PLCE1: variants seen among roughly 807,000 people sequenced by gnomAD.
PLCE1 encodes 1-phosphatidylinositol 4,5-bisphosphate phosphodiesterase epsilon-1.
A neutral mutation model predicts 242.8 loss-of-function variants in PLCE1; 119 were observed. The ratio of observed to expected loss-of-function variants is 0.49; its 90% confidence interval spans 0.42 to 0.57. The LOEUF is 0.57. PLCE1 is among the 20% of genes least tolerant of loss of function. The pLI is 0.00. For missense variants in PLCE1, 2,441 were observed against 2,788.8 expected (o/e 0.88, Z 2.81); for synonymous variants, 945 against 1,017.4 (o/e 0.93, Z 1.35).
intron 3 of PLCE1, among the ~76,000 whole-genome samples, chr10:94,170,442 A>G (rs2047936774): frequency 6.6e-6 from 1 of 152,208 alleles, no homozygotes; most frequent in South Asian, 2.1e-4. Flanking sequence ...GAGCCTAGGC[A>G]TCCCCTACTC....
rs747635422 is a variant in PLCE1, at chr10:94,258,828, C to T, written c.3583C>T (p.Arg1195Trp). ...TTGGAGCAGTAGTAGCTGGCACGGG[C>T]GGATCAAAGGCGGCATGAAGGGATT... ...SAWSSSSWHG[R>W]IKGGMKGFQS... Residue 1195 changes from arginine (R) to tryptophan (W), a missense_variant, in exon 12 of 33, where the codon CGG becomes TGG. Around this residue, in one of 5 missense-constraint regions of PLCE1, gnomAD observed 1,004 missense variants for 1,322.7 expected, o/e 0.76. Transcript: ENST00000371380. 3.3e-5 allele frequency: 53 copies of T among 1,613,856 alleles called. No individual in the cohort carries two copies. The highest frequency in any genetic ancestry group is 4.1e-5 in the Non-Finnish European group (48 of 1,179,956).
intron 1 of PLCE1, among the ~76,000 whole-genome samples, chr10:94,019,915 G>A (rs2061348098): frequency 6.6e-6 from 1 of 152,044 alleles, no homozygotes; most frequent in Non-Finnish European, 1.5e-5. Context: ...TTTGTCTGCT[G>A]GTAGACTTTT....
At chr10:94,101,974 G>T (rs1476578067) in intron 2 of PLCE1, among the ~76,000 whole-genome samples, 1 of 152,194 alleles carries the variant, frequency 6.6e-6, no homozygotes, top group Non-Finnish European at 1.5e-5. Context: ...GATGAGTGGG[G>T]CTGCAGATGG....
chr10:93,999,704 G>T (rs1284510913), intron 1 of PLCE1, among the ~76,000 whole-genome samples: 1 of 152,116 alleles, frequency 6.6e-6, no homozygotes, highest in African/African-American at 2.4e-5. Context: ...TCCTGCAGCC[G>T]CCTCGCTCAC....
chr10:94,096,539 A>G (rs2045318390), intron 2 of PLCE1: 1 of 152,194 alleles, frequency 6.6e-6, no homozygotes, highest in Non-Finnish European at 1.5e-5. Flanking sequence ...CACTATCATG[A>G]GAACAGCATG....
chr10:94,201,296 C>T (rs1328312478), intron 4 of PLCE1, among the ~76,000 whole-genome samples: 1 of 152,162 alleles, frequency 6.6e-6, no homozygotes, highest in Non-Finnish European at 1.5e-5. Flanking sequence ...AATGGGACAG[C>T]AGTCCCTACC....
chr10:94,103,005 C>G (rs1590026757), intron 2 of PLCE1, among the ~76,000 whole-genome samples: 1 of 152,202 alleles, frequency 6.6e-6, no homozygotes, highest in East Asian at 1.9e-4. Flanking sequence ...TAAAAGAGTT[C>G]TTGCTGGAGA....
intron 5 of PLCE1, among the ~76,000 whole-genome samples, chr10:94,228,102 C>T (rs1036538611): frequency 2.0e-5 from 3 of 152,328 alleles, no homozygotes; most frequent in East Asian, 1.9e-4. Flanking sequence ...ACCTTGGTTT[C>T]GGAGCCCATG....
rs768443933 is a variant in PLCE1, at chr10:94,031,343, G to A, written c.297G>A (p.Ala99=). The A allele has an allele frequency of 2.7e-5, 44 of 1,613,706 alleles. No homozygotes were observed. The highest frequency in any genetic ancestry group is 9.9e-5 in the South Asian group (9 of 91,080). Residue 99 remains alanine (A), a synonymous_variant, in exon 2 of 33, where the codon GCG becomes GCA. Transcript: ENST00000371380. ...KCWEKIMPDS[A]KNLNINCNNI... is the part of the protein sequence containing the mutation. ...GGGAGAAAATCATGCCAGATTCTGC[G>A]AAAAACCTTAACATTAACTGCAACA...
At chr10:94,043,053 T>G (rs557363463) in intron 2 of PLCE1, among the ~76,000 whole-genome samples, 2 of 152,352 alleles carry the variant, frequency 1.3e-5, no homozygotes, top group African/African-American at 4.8e-5. Context: ...TTTCACCTAC[T>G]TCACAAGGTT....
Position 94,269,044 on chromosome 10 carries a change from T to A in PLCE1, c.4389+8T>A. On this transcript the variant is annotated splice_region_variant and intron_variant, in intron 17 of 32. Transcript: ENST00000371380. ...ACCAAGATCCCCTTCAAGGTAATCC[T>A]TCATAACTTTCTTTAAATCAAATCA... The A allele has an allele frequency of 7.3e-7, 1 of 1,370,914 alleles. No homozygotes were observed. The highest frequency in any genetic ancestry group is 1.0e-6 in the Non-Finnish European group (1 of 961,406). 84.9% of individuals were successfully genotyped at this position (1,370,914 alleles called of 1,614,324 possible).
intron 2 of PLCE1, among the ~76,000 whole-genome samples, chr10:94,057,907 G>A (rs1403180909): frequency 6.6e-6 from 1 of 152,098 alleles, no homozygotes; most frequent in African/African-American, 2.4e-5. Flanking sequence ...TATTCATTAA[G>A]TTATTTTCTT....
chr10:94,243,295 A>G (rs1045561451), intron 7 of PLCE1, among the ~76,000 whole-genome samples: 6 of 152,190 alleles, frequency 3.9e-5, no homozygotes, highest in Admixed American at 3.3e-4. Context: ...GGGGCCTTCA[A>G]GAAAACACCT....
intron 2 of PLCE1, among the ~76,000 whole-genome samples, chr10:94,034,249 G>A (rs2061622061): frequency 6.6e-6 from 1 of 152,170 alleles, no homozygotes; most frequent in Non-Finnish European, 1.5e-5. Context: ...ACAATTTGAG[G>A]TGAGATTTGG....
Position 94,329,466 on chromosome 10 carries a change from A to G in PLCE1, c.*1523A>G, listed in dbSNP as rs1158459421. 6.6e-6 allele frequency: 1 copy of G among 152,190 alleles called. No homozygotes were observed. The highest frequency in any genetic ancestry group is 2.4e-5 in the African/African-American group (1 of 41,462). The allele number at this position is 152,190 out of a possible 1,614,324, so 9.4% of individuals were successfully genotyped here. A position where few individuals can be genotyped will look rare whatever the true frequency, so the allele number is the denominator to read the frequency against. On this transcript the variant is annotated 3_prime_UTR_variant, in exon 33 of 33. Transcript: ENST00000371380. ...AACCATCCCCATGTGTTTCTTGCAT[A>G]TTCTAAAAACAGAAGTGTTAAAAAT...
At chr10:94,322,093 T>G (rs1198016583) in intron 30 of PLCE1, 34 bp downstream of exon 30, 1 of 1,598,676 alleles carries the variant, frequency 6.3e-7, no homozygotes, top group Admixed American at 1.7e-5. Context: ...CTGAGTCCTT[T>G]CCTCAGCATA....
chr10:94,326,797 C>CT (rs958508554), intron 32 of PLCE1, among the ~76,000 whole-genome samples: 3 of 151,776 alleles, frequency 2.0e-5, no homozygotes, highest in South Asian at 2.1e-4. Context: ...ATTCACATGA[C>CT]TTTTTTTTTC....
At chr10:94,047,773 C>G (rs2043637472) in intron 2 of PLCE1, among the ~76,000 whole-genome samples, 1 of 152,122 alleles carries the variant, frequency 6.6e-6, no homozygotes, top group African/African-American at 2.4e-5. Flanking sequence ...CATATGGTTC[C>G]CTGCTCTTGA....
chr10:94,215,589 G>A (rs955887579), intron 4 of PLCE1, among the ~76,000 whole-genome samples: 21 of 152,146 alleles, frequency 1.4e-4, no homozygotes, highest in Non-Finnish European at 5.9e-5. Flanking sequence ...AAGGAGTTAA[G>A]GACTGGAAAC....
Sources: allele counts gnomAD v4.1 joint callset (sites outside exome capture counted in the v4.1 genomes callset), GRCh38; gene constraint gnomAD v4.1.1; regional missense constraint gnomAD v4.1.1; transcripts MANE v1.5; gene names NCBI Gene and HGNC (gene_info 2026-07-23, HGNC 2026-07-21).